The following LRP1B variants were observed in gnomAD, a reference collection of about 807,000 sequenced individuals.
The protein encoded by LRP1B is LDL receptor related protein 1B.
Under a neutral mutation model 556.6 loss-of-function variants are expected in LRP1B, and 217 were observed. That is an observed-to-expected ratio of 0.39 (90% confidence interval 0.35 to 0.44). The LOEUF is 0.44. Ranked by LOEUF, LRP1B falls within the 20% of genes least tolerant of loss-of-function variation. The pLI, the probability that LRP1B is intolerant of heterozygous loss-of-function variation, is 1.00. For synonymous variants in LRP1B, 2,047 were observed against 1,865.8 expected, an observed-to-expected ratio of 1.10 and a Z score of -2.50; for missense variants, 5,053 against 5,620.8, an observed-to-expected ratio of 0.90 and a Z score of 3.23.
chr2:141,671,325 G>A (rs1690659890), intron 2 of LRP1B, among the ~76,000 whole-genome samples: 1 of 152,162 alleles, frequency 6.6e-6, no homozygotes, highest in African/African-American at 2.4e-5. Context: ...GGGAGTTCAT[G>A]TGCGAATGTT....
chr2:141,337,125 T>A (rs935796358), intron 3 of LRP1B, among the ~76,000 whole-genome samples: 19 of 152,208 alleles, frequency 1.2e-4, no homozygotes, highest in Admixed American at 8.5e-4. Flanking sequence ...CAAACTGTTT[T>A]CCAGAGTGGC....
At chr2:141,213,418 C>A (rs1260646428) in intron 6 of LRP1B, among the ~76,000 whole-genome samples, 1 of 152,154 alleles carries the variant, frequency 6.6e-6, no homozygotes, top group Admixed American at 6.6e-5. Flanking sequence ...CAGGAACCAG[C>A]CCTGGACAGG....
At chr2:140,948,079 G>A (rs1474930388) in intron 20 of LRP1B, among the ~76,000 whole-genome samples, 1 of 152,084 alleles carries the variant, frequency 6.6e-6, no homozygotes, top group Non-Finnish European at 1.5e-5. Context: ...TGAGGGAAAA[G>A]CAATCTTTTA....
chr2:141,863,601 C>T (rs1465268303), intron 1 of LRP1B, among the ~76,000 whole-genome samples: 2 of 152,090 alleles, frequency 1.3e-5, no homozygotes, highest in South Asian at 2.1e-4. Context: ...AGGAGATCAA[C>T]AAATTTTTAT....
chr2:141,829,347 A>G (rs1346338788), intron 1 of LRP1B, among the ~76,000 whole-genome samples: 1 of 152,132 alleles, frequency 6.6e-6, no homozygotes, highest in Non-Finnish European at 1.5e-5. Flanking sequence ...TAAAGAGCGT[A>G]TAACTAACGC....
At chr2:140,358,627 T>C (rs1431851061) in intron 73 of LRP1B, among the ~76,000 whole-genome samples, 194 bp downstream of exon 73, 3 of 151,686 alleles carry the variant, frequency 2.0e-5, no homozygotes, top group Non-Finnish European at 3.0e-5. Flanking sequence ...GTGGGAACTA[T>C]GGATAAAGGT....
chr2:141,143,977 C>T (rs895220842), intron 7 of LRP1B, among the ~76,000 whole-genome samples: 3 of 152,010 alleles, frequency 2.0e-5, no homozygotes, highest in African/African-American at 7.3e-5. Context: ...TGACTTAATG[C>T]CATGAGGGAA....
chr2:141,909,160 G>T (rs1003592137), intron 1 of LRP1B, among the ~76,000 whole-genome samples: 1 of 152,048 alleles, frequency 6.6e-6, no homozygotes, highest in African/African-American at 2.4e-5. Context: ...AAACCTTACA[G>T]AAGAAGGACT....
chr2:140,394,517 G>A (rs147854166), intron 66 of LRP1B, among the ~76,000 whole-genome samples: 2 of 152,182 alleles, frequency 1.3e-5, no homozygotes, highest in East Asian at 3.9e-4. Context: ...GCAGGCCAGA[G>A]GAAAAGGGAC....
At chr2:141,325,094 G>A (rs1448195976) in intron 3 of LRP1B, among the ~76,000 whole-genome samples, 1 of 151,742 alleles carries the variant, frequency 6.6e-6, no homozygotes, top group East Asian at 1.9e-4. Context: ...AAGAAATCAT[G>A]CCATTAAATT....
At chr2:140,872,141 C>A (rs1293387956) in intron 25 of LRP1B, among the ~76,000 whole-genome samples, 6 of 54,590 alleles carry the variant, frequency 1.1e-4, no homozygotes, top group Middle Eastern at 0.016. Flanking sequence ...ATTCTGTTTT[C>A]TTTATTTACT....
chr2:141,423,290 C>CCTTTTTT lies in LRP1B; in HGVS notation c.343+57105_343+57106insAAAAAAG, dbSNP rs1321976263. Among the ~76,000 whole-genome samples, 7 of 68,376 alleles carry CCTTTTTT rather than the reference C, an allele frequency of 1.0e-4. 1 individual carries two copies. Among genetic ancestry groups the CCTTTTTT allele is most frequent in the African/African-American group, 1.0e-4 (2 of 19,412 alleles). The allele number at this position is 68,376 out of a possible 152,430, so 44.9% of individuals were successfully genotyped here. A position where few individuals can be genotyped will look rare whatever the true frequency, so the allele number is the denominator to read the frequency against. On this transcript the variant is annotated intron_variant, in intron 3 of 90. Transcript: ENST00000389484. The stretch of plus-strand genomic sequence containing the variant: ...CCCTCTCACTAGGCAACAGCCAGAG[C>CCTTTTTT]TTTTTTTTTTTTTTTTTTTTTTTTT...
At chr2:141,332,448 G>GAAAAAA (rs59675152) in intron 3 of LRP1B, among the ~76,000 whole-genome samples, 1 of 139,002 alleles carries the variant, frequency 7.2e-6, no homozygotes. Flanking sequence ...ATATCTAACT[G>GAAAAAA]AAAAAAAAAA....
At chr2:141,017,115 G>A (rs916827164) in intron 12 of LRP1B, among the ~76,000 whole-genome samples, 1 of 151,972 alleles carries the variant, frequency 6.6e-6, no homozygotes, top group African/African-American at 2.4e-5. Flanking sequence ...AATAAACATG[G>A]AAATATTTCT....
At chr2:140,664,958 G>A (rs747931632) in intron 41 of LRP1B, among the ~76,000 whole-genome samples, 1 of 151,704 alleles carries the variant, frequency 6.6e-6, no homozygotes, top group African/African-American at 2.4e-5. Flanking sequence ...CAGAGAAAAG[G>A]CAAACTTTAA....
intron 43 of LRP1B, among the ~76,000 whole-genome samples, chr2:140,577,787 A>T (rs1009471823): frequency 7.2e-5 from 11 of 152,056 alleles, no homozygotes; most frequent in African/African-American, 2.4e-4. Context: ...CTTATTTTTT[A>T]AATTTTGATC....
chr2:140,842,102 G>A (rs1041930253), intron 29 of LRP1B, among the ~76,000 whole-genome samples: 9 of 152,174 alleles, frequency 5.9e-5, no homozygotes, highest in Admixed American at 3.9e-4. Context: ...GCTCAAGGTT[G>A]GTGATTCCAA....
At chr2:140,431,771 A>C (rs190874895) in intron 66 of LRP1B, among the ~76,000 whole-genome samples, 4 of 152,172 alleles carry the variant, frequency 2.6e-5, no homozygotes, top group Admixed American at 2.6e-4. Context: ...TAAATGACAA[A>C]TGTTTCTTCT....
chr2:141,220,056 A>G (rs1311562364), intron 6 of LRP1B, among the ~76,000 whole-genome samples: 4 of 152,184 alleles, frequency 2.6e-5, no homozygotes, highest in African/African-American at 9.6e-5. Context: ...TCCAGCAAGG[A>G]CACTGAACTA....
Sources: allele counts gnomAD v4.1 joint callset (sites outside exome capture counted in the v4.1 genomes callset), GRCh38; gene constraint gnomAD v4.1.1; transcripts MANE v1.5; gene names NCBI Gene and HGNC (gene_info 2026-07-23, HGNC 2026-07-21).